CHST3: variants seen among roughly 807,000 people sequenced by gnomAD.
CHST3 encodes C6ST-1.
In CHST3, 20 loss-of-function variants were observed where a neutral mutation model predicts 35.4. The ratio of observed to expected loss-of-function variants is 0.57; its 90% confidence interval spans 0.40 to 0.82. The LOEUF (loss-of-function observed/expected upper bound fraction) is 0.82. Among genes scored for constraint, CHST3 ranks in the 40% least tolerant of loss-of-function variants. The probability of loss-of-function intolerance (pLI) is 0.00; values close to 1 mark genes in which losing one functional copy is unlikely to be tolerated. For missense variants in CHST3, 693 were observed against 670.1 expected (o/e 1.03, Z -0.38); for synonymous variants, 334 against 295.9 (o/e 1.13, Z -1.32).
At chr10:71,970,879 T>G (rs962777844) in intron 1 of CHST3, among the ~76,000 whole-genome samples, 17 of 152,204 alleles carry the variant, frequency 1.1e-4, no homozygotes, top group African/African-American at 3.9e-4. Flanking sequence ...CCTCATAGAT[T>G]CATTTACTTT....
In CHST3 at chr10:72,007,497, G is replaced by C; in HGVS notation, c.466G>C (p.Gly156Arg). 1.2e-6 allele frequency: 2 copies of C among 1,602,460 alleles called. No homozygotes were observed. Among genetic ancestry groups the C allele is most frequent in the Non-Finnish European group, 1.7e-6 (2 of 1,179,770 alleles). ...SFVGEFFNQQ[G>R]NIFYLFEPLW... ...CGTGGGCGAGTTCTTCAACCAGCAG[G>C]GCAACATCTTCTACCTCTTCGAGCC... Residue 156 changes from glycine to arginine, a missense_variant, in exon 3 of 3, where the codon GGC becomes CGC. Physicochemically the swap from Gly to Arg is moderately radical, Grantham distance 125. Transcript: ENST00000373115.
intron 1 of CHST3, among the ~76,000 whole-genome samples, chr10:72,001,002 G>A (rs1839987760): frequency 6.6e-6 from 1 of 152,148 alleles, no homozygotes; most frequent in Non-Finnish European, 1.5e-5. Flanking sequence ...GCATTATTCG[G>A]TGGAGGGGTG....
At chr10:72,001,794 G>C (rs1274808711) in intron 1 of CHST3, among the ~76,000 whole-genome samples, 2 of 152,142 alleles carry the variant, frequency 1.3e-5, no homozygotes, top group Non-Finnish European at 2.9e-5. Flanking sequence ...TGAGTACTAG[G>C]GGCTAGGAGG....
intron 1 of CHST3, among the ~76,000 whole-genome samples, chr10:71,979,504 G>A (rs994415530): frequency 4.6e-5 from 7 of 151,944 alleles, no homozygotes; most frequent in Non-Finnish European, 1.0e-4. Flanking sequence ...GTTTGGGCTC[G>A]GCCTTAAGGG....
chr10:71,993,207 C>G (rs1839913567), intron 1 of CHST3, among the ~76,000 whole-genome samples: 2 of 152,192 alleles, frequency 1.3e-5, no homozygotes, highest in African/African-American at 4.8e-5. Context: ...CACCCTGCTC[C>G]AAATCCTTTG....
intron 1 of CHST3, among the ~76,000 whole-genome samples, chr10:71,999,615 T>C (rs1589505996): frequency 1.3e-5 from 2 of 150,798 alleles, no homozygotes; most frequent in South Asian, 2.1e-4. Flanking sequence ...CCTGATGCAA[T>C]GTCTGGCAGG....
At chr10:71,999,456 C>T (rs1645431262) in intron 1 of CHST3, among the ~76,000 whole-genome samples, 1 of 152,238 alleles carries the variant, frequency 6.6e-6, no homozygotes, top group African/African-American at 2.4e-5. Context: ...CCCTTGGCTC[C>T]TCTTTCCCAT....
chr10:72,000,070 C>A (rs918818171), intron 1 of CHST3, among the ~76,000 whole-genome samples: 3 of 152,248 alleles, frequency 2.0e-5, no homozygotes, highest in Non-Finnish European at 4.4e-5. Flanking sequence ...TCCCAGCACA[C>A]GCCCTCAGCA....
At position 72,012,008 on chromosome 10, in the gene CHST3, A is replaced by G. The variant is rs1840115693; in HGVS notation, c.*3537A>G. 1 of 152,240 alleles carries G rather than the reference A, an allele frequency of 6.6e-6. No homozygotes were observed. Among genetic ancestry groups the G allele is most frequent in the Non-Finnish European group, 1.5e-5 (1 of 68,044 alleles). The allele number at this position is 152,240 out of a possible 1,614,324, so 9.4% of individuals were successfully genotyped here. A position where few individuals can be genotyped will look rare whatever the true frequency, so the allele number is the denominator to read the frequency against. On this transcript the variant is annotated 3_prime_UTR_variant, in exon 3 of 3. Transcript: ENST00000373115. ...TATTTTCCAAAAGCTGAGGAACATA[A>G]AGCAAATTTAGGCTTTTGTCCTTCT...
At chr10:71,979,093 G>A (rs968508455) in intron 1 of CHST3, among the ~76,000 whole-genome samples, 3 of 152,120 alleles carry the variant, frequency 2.0e-5, no homozygotes, top group Non-Finnish European at 4.4e-5. Context: ...TAGCGCACAC[G>A]TGTTACCTCT....
intron 1 of CHST3, among the ~76,000 whole-genome samples, chr10:71,990,135 G>A (rs1249526441): frequency 2.0e-5 from 3 of 152,150 alleles, no homozygotes; most frequent in Non-Finnish European, 4.4e-5. Context: ...TTCCTGGGTC[G>A]AAGAGTGTTA....
Position 72,005,810 on chromosome 10 carries a change from G to T in CHST3, c.-33G>T, listed in dbSNP as rs750829985. Reference sequence around the variant, plus strand: ...CCCCTCAGCTGAGTGTCCAAGGCTGGCCCGAGGAGCCCCCACGGCCCCACC... The same window carrying T: ...CCCCTCAGCTGAGTGTCCAAGGCTGTCCCGAGGAGCCCCCACGGCCCCACC... On this transcript the variant is annotated 5_prime_UTR_variant, in exon 2 of 3. Transcript: ENST00000373115. 3.7e-6 allele frequency: 6 copies of T among 1,613,856 alleles called. No homozygotes were observed. Among genetic ancestry groups the T allele is most frequent in the Non-Finnish European group, 1.7e-6 (2 of 1,179,990 alleles).
intron 1 of CHST3, among the ~76,000 whole-genome samples, chr10:71,998,347 T>C (rs1437629269): frequency 6.6e-6 from 1 of 152,150 alleles, no homozygotes; most frequent in Non-Finnish European, 1.5e-5. Context: ...TGAATCTTGG[T>C]CTATGTCCAG....
chr10:71,984,603 A>C (rs191237381), intron 1 of CHST3, among the ~76,000 whole-genome samples: 2 of 152,286 alleles, frequency 1.3e-5, no homozygotes, highest in Admixed American at 6.5e-5. Context: ...TAGTGGTTGA[A>C]TTTGTGGACT....
intron 1 of CHST3, among the ~76,000 whole-genome samples, chr10:71,972,010 C>T (rs4148921): frequency 0.12 from 18,103 of 152,042 alleles, 1,052 homozygotes; most frequent in Admixed American, 0.16. Flanking sequence ...GTGTAGGTGC[C>T]TGGGGGTAGC....
chr10:72,005,823 C>A lies in CHST3; in HGVS notation c.-20C>A. The A allele has an allele frequency of 1.2e-6, 2 of 1,614,196 alleles. No individual in the cohort carries two copies. Among genetic ancestry groups the A allele is most frequent in the Non-Finnish European group, 1.7e-6 (2 of 1,180,032 alleles). ...TGTCCAAGGCTGGCCCGAGGAGCCC[C>A]CACGGCCCCACCTTTCCCCATGGAG... On this transcript the variant is annotated 5_prime_UTR_variant, in exon 2 of 3. Coordinates refer to ENST00000373115, the MANE Select transcript of CHST3 (RefSeq NM_004273.5).
chr10:71,981,244 C>T (rs1402935716), intron 1 of CHST3, among the ~76,000 whole-genome samples: 1 of 152,202 alleles, frequency 6.6e-6, no homozygotes, highest in Admixed American at 6.5e-5. Context: ...GGCAGCACCT[C>T]GGCCTTGCAG....
chr10:71,996,986 G>A (rs561615163), intron 1 of CHST3, among the ~76,000 whole-genome samples: 13 of 152,038 alleles, frequency 8.6e-5, no homozygotes, highest in African/African-American at 2.7e-4. Flanking sequence ...CAAACTCCTG[G>A]GCTCGAGCAA....
intron 1 of CHST3, among the ~76,000 whole-genome samples, chr10:71,967,975 A>ATTTTTTTTTTTT (rs61420934): frequency 7.0e-5 from 10 of 142,036 alleles, no homozygotes; most frequent in African/African-American, 1.6e-4. Context: ...TGCGTGGCTA[A>ATTTTTTTTTTTT]TTTTTTTTTT....
Sources: gnomAD v4.1 joint callset for allele counts (sites outside exome capture counted in the v4.1 genomes callset) on GRCh38, gnomAD v4.1.1 for gene constraint, MANE v1.5 for transcripts, NCBI Gene and HGNC (gene_info 2026-07-23, HGNC 2026-07-21) for gene names.